Variants in SHROOM3 observed in about 807,000 individuals in gnomAD.
The protein encoded by SHROOM3 is protein Shroom3.
Under a neutral mutation model 138.6 loss-of-function variants are expected in SHROOM3, and 47 were observed. The observed-to-expected ratio is 0.34, with a 90% CI of 0.27 to 0.43. The LOEUF is 0.43. Among genes scored for constraint, SHROOM3 ranks in the 20% least tolerant of loss-of-function variants. The probability of loss-of-function intolerance (pLI) is 1.00; values close to 1 mark genes in which losing one functional copy is unlikely to be tolerated. For missense variants in SHROOM3, 2,491 were observed against 2,596.5 expected (o/e 0.96, Z 0.88); for synonymous variants, 1,062 against 1,063.3 (o/e 1.00, Z 0.02).
intron 3 of SHROOM3, 135 bp from the exon 4 acceptor site, chr4:76,730,669 C>T: frequency 1.9e-6 from 2 of 1,075,392 alleles, no homozygotes; most frequent in South Asian, 2.8e-5. Flanking sequence ...AAATCTTCTT[C>T]TCAGTATTGA....
chr4:76,685,997 A>C (rs944382473), intron 2 of SHROOM3, among the ~76,000 whole-genome samples: 5 of 139,614 alleles, frequency 3.6e-5, no homozygotes, highest in Non-Finnish European at 6.1e-5. Context: ...AAAGTATAGA[A>C]GTAAGTAATG....
At position 76,779,315 on chromosome 4, in the gene SHROOM3, C is replaced by T; in HGVS notation, c.*138C>T. The T allele has an allele frequency of 8.2e-7, 1 of 1,216,402 alleles. No homozygotes were observed. Among genetic ancestry groups the T allele is most frequent in the Admixed American group, 2.7e-5 (1 of 36,668 alleles). The allele number at this position is 1,216,402 out of a possible 1,614,324, so 75.4% of individuals were successfully genotyped here. On this transcript the variant is annotated 3_prime_UTR_variant, in exon 11 of 11. Transcript: ENST00000296043. The stretch of plus-strand genomic sequence containing the variant: ...CCTGATGAAAGGAAAAAAATTCTCT[C>T]CAGGAGGAAGCCTTTTTCCTTCTTG...
chr4:76,779,171 A>T lies in SHROOM3; in HGVS notation c.5985A>T (p.Pro1995=). 1 of 1,600,770 alleles carries T rather than the reference A, an allele frequency of 6.2e-7. No individual in the cohort carries two copies. The highest frequency in any genetic ancestry group is 8.5e-7 in the Non-Finnish European group (1 of 1,172,778). The part of the protein sequence containing the change: ...FSGIFPTLTS[P]L ...GTATTTTCCCAACATTAACCTCTCC[A>T]CTTTAACCTCTTCTAAAATACCCAA... is the stretch of plus-strand genomic sequence containing the variant. Residue 1995 remains proline (P), a synonymous_variant, in exon 11 of 11, where the codon CCA becomes CCT. Transcript: ENST00000296043.
intron 2 of SHROOM3, among the ~76,000 whole-genome samples, chr4:76,659,401 G>A (rs1736136439): frequency 6.6e-6 from 1 of 152,130 alleles, no homozygotes; most frequent in Non-Finnish European, 1.5e-5. Context: ...TTTGGAAAAA[G>A]TACAGCCCAT....
At chr4:76,497,931 G>A (rs1026386277) in intron 1 of SHROOM3, among the ~76,000 whole-genome samples, 1 of 152,160 alleles carries the variant, frequency 6.6e-6, no homozygotes. Flanking sequence ...GTGCATGGCT[G>A]GAGCAGAGCA....
At chr4:76,510,190 A>G (rs992969430) in intron 1 of SHROOM3, among the ~76,000 whole-genome samples, 1 of 152,222 alleles carries the variant, frequency 6.6e-6, no homozygotes, top group Admixed American at 6.5e-5. Context: ...AGACCTCCTC[A>G]GTATTATTTT....
At chr4:76,458,949 C>T (rs539578850) in intron 1 of SHROOM3, among the ~76,000 whole-genome samples, 1 of 152,228 alleles carries the variant, frequency 6.6e-6, no homozygotes, top group African/African-American at 2.4e-5. Context: ...GGTCCAGCTC[C>T]CTGTGAAAGT....
At chr4:76,672,464 G>C (rs1051889723) in intron 2 of SHROOM3, among the ~76,000 whole-genome samples, 1 of 149,926 alleles carries the variant, frequency 6.7e-6, no homozygotes, top group Non-Finnish European at 1.5e-5. Flanking sequence ...CTGCTCACCA[G>C]CTTCTTTTGA....
At chr4:76,674,484 C>T (rs1225889017) in intron 2 of SHROOM3, among the ~76,000 whole-genome samples, 23 of 151,408 alleles carry the variant, frequency 1.5e-4, no homozygotes, top group Non-Finnish European at 1.5e-5. Context: ...ATCCTTTTTT[C>T]CTAGATCATA....
chr4:76,626,954 G>T (rs1017898079), intron 2 of SHROOM3, among the ~76,000 whole-genome samples: 1 of 152,104 alleles, frequency 6.6e-6, no homozygotes, highest in African/African-American at 2.4e-5. Context: ...TTGAATTCAC[G>T]CCCACAGACA....
intron 2 of SHROOM3, among the ~76,000 whole-genome samples, chr4:76,608,559 GCATAGCATAGCA>G (rs1560563120): frequency 9.8e-5 from 10 of 102,488 alleles, no homozygotes; most frequent in East Asian, 3.4e-4. Flanking sequence ...GCATAGCATA[GCATAGCATAGCA>G]TAGCATAGCA....
At chr4:76,441,086 G>GTTTTTTC (rs1553913334) in intron 1 of SHROOM3, among the ~76,000 whole-genome samples, 1 of 82,182 alleles carries the variant, frequency 1.2e-5, no homozygotes, top group African/African-American at 4.7e-5. Flanking sequence ...AGTTCAATTT[G>GTTTTTTC]TTTTTTTTTT....
chr4:76,576,233 A>G (rs1733934230), intron 2 of SHROOM3, among the ~76,000 whole-genome samples: 1 of 152,214 alleles, frequency 6.6e-6, no homozygotes, highest in Admixed American at 6.5e-5. Flanking sequence ...AATAGCTAAG[A>G]TTTGGAAGCA....
chr4:76,761,780 C>T (rs890884198), intron 9 of SHROOM3, among the ~76,000 whole-genome samples: 13 of 152,084 alleles, frequency 8.5e-5, no homozygotes, highest in Non-Finnish European at 1.3e-4. Flanking sequence ...ATTTGGAGTG[C>T]CTTTTGGGGG....
chr4:76,562,531 G>A, intron 2 of SHROOM3, among the ~76,000 whole-genome samples: 1 of 152,134 alleles, frequency 6.6e-6, no homozygotes, highest in East Asian at 1.9e-4. Flanking sequence ...CCTCTGAAAG[G>A]ATACAAAATT....
chr4:76,522,271 TATATTATATACTAATAA>T (rs1732582333), intron 1 of SHROOM3, among the ~76,000 whole-genome samples: 2 of 148,392 alleles, frequency 1.3e-5, no homozygotes, highest in Middle Eastern at 3.6e-3. Flanking sequence ...ATATTAAGTA[TATATTATATACTAATAA>T]ATATTATATA....
At chr4:76,650,521 A>G (rs1331762977) in intron 2 of SHROOM3, among the ~76,000 whole-genome samples, 1 of 24,320 alleles carries the variant, frequency 4.1e-5, no homozygotes, top group African/African-American at 5.1e-4. Flanking sequence ...TTTTAAGTAT[A>G]TTTATTTATT....
At chr4:76,599,155 C>T (rs1560559483) in intron 2 of SHROOM3, among the ~76,000 whole-genome samples, 1 of 152,012 alleles carries the variant, frequency 6.6e-6, no homozygotes, top group Non-Finnish European at 1.5e-5. Context: ...GATCAATAAA[C>T]CCAAGAACTT....
intron 1 of SHROOM3, among the ~76,000 whole-genome samples, chr4:76,450,625 A>G (rs1204815446): frequency 6.6e-6 from 1 of 152,234 alleles, no homozygotes; most frequent in Non-Finnish European, 1.5e-5. Context: ...ACACAAAGGA[A>G]CATATTTAAC....
Sources: allele counts gnomAD v4.1 joint callset (sites outside exome capture counted in the v4.1 genomes callset), GRCh38; gene constraint gnomAD v4.1.1; transcripts MANE v1.5; gene names NCBI Gene and HGNC (gene_info 2026-07-23, HGNC 2026-07-21).